MAP7: variants seen among roughly 807,000 people sequenced by gnomAD.
The protein encoded by MAP7 is microtubule associated protein 7.
In MAP7, 52 loss-of-function variants were observed where a neutral mutation model predicts 94.8. The observed-to-expected ratio is 0.55, with a 90% CI of 0.44 to 0.69. MAP7 has a LOEUF of 0.69. MAP7 is among the 30% of genes least tolerant of loss of function. The probability of loss-of-function intolerance (pLI) is 0.00; values close to 1 mark genes in which losing one functional copy is unlikely to be tolerated. For synonymous variants in MAP7, 350 were observed against 357.0 expected, an observed-to-expected ratio of 0.98 and a Z score of 0.22; for missense variants, 940 against 964.6, an observed-to-expected ratio of 0.97 and a Z score of 0.34.
chr6:136,392,165 C>A (rs890915749), intron 3 of MAP7, among the ~76,000 whole-genome samples: 10 of 152,132 alleles, frequency 6.6e-5, no homozygotes, highest in African/African-American at 2.2e-4. Flanking sequence ...GCAGCTTTGA[C>A]CTCCCAGGCT....
chr6:136,515,209 C>T (rs1824460157), intron 1 of MAP7, among the ~76,000 whole-genome samples: 1 of 152,244 alleles, frequency 6.6e-6, no homozygotes, highest in African/African-American at 2.4e-5. Context: ...TCCCTCACCT[C>T]TCAGCCTTCA....
intron 1 of MAP7, among the ~76,000 whole-genome samples, chr6:136,445,817 C>T (rs958672596): frequency 3.9e-5 from 6 of 152,268 alleles, no homozygotes; most frequent in East Asian, 3.9e-4. Flanking sequence ...CTAACAGCTG[C>T]GTAATGAATA....
chr6:136,483,274 C>A (rs893636368), intron 1 of MAP7, among the ~76,000 whole-genome samples: 1 of 151,848 alleles, frequency 6.6e-6, no homozygotes, highest in Admixed American at 6.6e-5. Flanking sequence ...AATGCAGGAA[C>A]GGAAAACCAA....
intron 3 of MAP7, among the ~76,000 whole-genome samples, chr6:136,396,681 C>T (rs974713530): frequency 3.9e-5 from 6 of 152,146 alleles, no homozygotes; most frequent in Non-Finnish European, 5.9e-5. Flanking sequence ...GATTCATTCA[C>T]CCATAACTGT....
intron 1 of MAP7, among the ~76,000 whole-genome samples, chr6:136,439,679 T>C (rs890291370): frequency 2.0e-5 from 3 of 152,160 alleles, no homozygotes; most frequent in African/African-American, 7.2e-5. Flanking sequence ...TGTTTCCCAC[T>C]TCATCACTTT....
intron 1 of MAP7, among the ~76,000 whole-genome samples, chr6:136,547,199 C>T (rs951406610): frequency 6.6e-6 from 1 of 152,148 alleles, no homozygotes. Flanking sequence ...CCATGTTCAC[C>T]ACACAGGTTG....
intron 2 of MAP7, chr6:136,419,754 T>C (rs1317214977): frequency 4.8e-6 from 1 of 208,052 alleles, no homozygotes; most frequent in Non-Finnish European, 9.7e-6. Flanking sequence ...TTTCCTTCAT[T>C]TTCTCTGTTC....
intron 1 of MAP7, chr6:136,545,180 A>G (rs1274328283): frequency 1.3e-5 from 2 of 152,160 alleles, no homozygotes; most frequent in Non-Finnish European, 2.9e-5. Context: ...CCTCAAGTCC[A>G]CGTTGCTACT....
At chr6:136,530,961 A>G (rs1459675380) in intron 1 of MAP7, among the ~76,000 whole-genome samples, 3 of 144,772 alleles carry the variant, frequency 2.1e-5, no homozygotes, top group South Asian at 2.1e-4. Context: ...TGTCTGCTCT[A>G]TCATAAACAA....
intron 16 of MAP7, among the ~76,000 whole-genome samples, chr6:136,350,572 G>A (rs1366090813): frequency 6.6e-6 from 1 of 152,246 alleles, no homozygotes; most frequent in African/African-American, 2.4e-5. Context: ...TAGGCTGGGC[G>A]TGGTGACTCA....
At chr6:136,522,943 G>A (rs907880941) in intron 1 of MAP7, among the ~76,000 whole-genome samples, 4 of 152,170 alleles carry the variant, frequency 2.6e-5, no homozygotes, top group Non-Finnish European at 5.9e-5. Context: ...GTTGAGGCAG[G>A]ACGATCACTT....
chr6:136,409,869 T>C (rs1391192653), intron 3 of MAP7, among the ~76,000 whole-genome samples: 2 of 152,216 alleles, frequency 1.3e-5, no homozygotes. Flanking sequence ...TGTTTGAATA[T>C]ATAAACTAAT....
intron 1 of MAP7, among the ~76,000 whole-genome samples, chr6:136,430,645 T>C (rs1211769987): frequency 2.6e-5 from 4 of 152,194 alleles, no homozygotes. Context: ...TTCTGAACGT[T>C]TATTCCAACT....
chr6:136,528,845 AT>A (rs1187753260), intron 1 of MAP7, among the ~76,000 whole-genome samples: 4 of 152,048 alleles, frequency 2.6e-5, no homozygotes, highest in Non-Finnish European at 1.5e-5. Context: ...ACAATAAAGG[AT>A]TTTTTTCCTT....
chr6:136,490,617 AG>A (rs1003581632), intron 1 of MAP7, among the ~76,000 whole-genome samples: 1 of 152,232 alleles, frequency 6.6e-6, no homozygotes, highest in Admixed American at 6.5e-5. Context: ...CTAGTAGCAA[AG>A]CAAAAATGGG....
intron 1 of MAP7, among the ~76,000 whole-genome samples, chr6:136,499,188 G>C (rs985342646): frequency 6.6e-6 from 1 of 152,064 alleles, no homozygotes; most frequent in African/African-American, 2.4e-5. Context: ...CCAAAGTGCT[G>C]GGATTACAGG....
chr6:136,418,497 G>T (rs538613678), intron 2 of MAP7, among the ~76,000 whole-genome samples: 1 of 152,208 alleles, frequency 6.6e-6, no homozygotes, highest in African/African-American at 2.4e-5. Flanking sequence ...TTACAGGCGT[G>T]AGCCACCGGC....
intron 3 of MAP7, among the ~76,000 whole-genome samples, chr6:136,397,546 A>C (rs547380438): frequency 2.7e-4 from 22 of 80,120 alleles, no homozygotes; most frequent in South Asian, 2.2e-3. Context: ...CCTAACCCCC[A>C]AGGTAAATAC....
chr6:136,372,331 G>A (rs1439143105), intron 8 of MAP7, among the ~76,000 whole-genome samples, 170 bp downstream of exon 8: 2 of 152,180 alleles, frequency 1.3e-5, no homozygotes, highest in Non-Finnish European at 2.9e-5. Context: ...GAGGAAGTGA[G>A]GGGACACTAC....
Sources: gnomAD v4.1 joint callset for allele counts (sites outside exome capture counted in the v4.1 genomes callset) on GRCh38, gnomAD v4.1.1 for gene constraint, MANE v1.5 for transcripts, NCBI Gene and HGNC (gene_info 2026-07-23, HGNC 2026-07-21) for gene names.